UNC5D: variants seen among roughly 807,000 people sequenced by gnomAD.
The protein encoded by UNC5D is unc-5 netrin receptor D, also known as netrin receptor UNC5D.
Under a neutral mutation model 105.4 loss-of-function variants are expected in UNC5D, and 39 were observed. That is an observed-to-expected ratio of 0.37 (90% CI 0.29 to 0.48). The LOEUF (loss-of-function observed/expected upper bound fraction) is 0.48. Ranked by LOEUF, UNC5D falls within the 20% of genes least tolerant of loss-of-function variation. UNC5D has a pLI of 0.98. For missense variants in UNC5D, 991 were observed against 1,202.4 expected (o/e 0.82, Z 2.60); for synonymous variants, 452 against 450.4 (o/e 1.00, Z -0.04).
intron 1 of UNC5D, among the ~76,000 whole-genome samples, chr8:35,238,547 G>T (rs1299602909): frequency 6.6e-6 from 1 of 152,170 alleles, no homozygotes; most frequent in South Asian, 2.1e-4. Context: ...GACCTGCCAA[G>T]TGCTAACTGA....
chr8:35,427,116 G>C (rs1391847562), intron 1 of UNC5D, among the ~76,000 whole-genome samples: 1 of 152,124 alleles, frequency 6.6e-6, no homozygotes, highest in Non-Finnish European at 1.5e-5. Flanking sequence ...TTCAGCTCCA[G>C]CTCAATATAA....
intron 1 of UNC5D, among the ~76,000 whole-genome samples, chr8:35,363,410 T>A (rs1801952258): frequency 6.6e-6 from 1 of 152,150 alleles, no homozygotes; most frequent in East Asian, 1.9e-4. Flanking sequence ...ATTCAATTAT[T>A]TCCCACTGGG....
chr8:35,692,692 CGTAGTTAAA>C (rs1826490003), intron 7 of UNC5D, among the ~76,000 whole-genome samples: 1 of 152,126 alleles, frequency 6.6e-6, no homozygotes, highest in African/African-American at 2.4e-5. Context: ...TTAATGATAG[CGTAGTTAAA>C]CTCTCTAAAG....
chr8:35,690,579 A>G (rs375091867), intron 7 of UNC5D, among the ~76,000 whole-genome samples: 144 of 152,338 alleles, frequency 9.5e-4, no homozygotes, highest in African/African-American at 3.3e-3. Context: ...TGATCGTGCT[A>G]TTGCAGCCCA....
intron 4 of UNC5D, among the ~76,000 whole-genome samples, chr8:35,618,930 G>A (rs1024397665): frequency 6.6e-6 from 1 of 152,124 alleles, no homozygotes; most frequent in Non-Finnish European, 1.5e-5. Context: ...TTGGTGCTGG[G>A]TCAACTTTAT....
intron 3 of UNC5D, among the ~76,000 whole-genome samples, chr8:35,572,008 C>A (rs757286576): frequency 6.6e-6 from 1 of 152,060 alleles, no homozygotes; most frequent in Non-Finnish European, 1.5e-5. Context: ...TGCCATGGGC[C>A]GGGTACAGTG....
chr8:35,554,215 T>C (rs897813986), intron 2 of UNC5D, among the ~76,000 whole-genome samples: 2 of 152,192 alleles, frequency 1.3e-5, no homozygotes, highest in African/African-American at 4.8e-5. Context: ...TTTGGCCCTG[T>C]CATCTAACAG....
At chr8:35,528,699 C>A (rs1281647295) in intron 1 of UNC5D, among the ~76,000 whole-genome samples, 1 of 146,818 alleles carries the variant, frequency 6.8e-6, no homozygotes, top group Admixed American at 6.9e-5. Context: ...CACATCCTCT[C>A]CAGCACCTGT....
At chr8:35,252,600 C>T (rs139491667) in intron 1 of UNC5D, among the ~76,000 whole-genome samples, 203 of 152,232 alleles carry the variant, frequency 1.3e-3, no homozygotes, top group African/African-American at 4.7e-3. Context: ...AGTTGATTCA[C>T]TTCCCTGAAG....
intron 4 of UNC5D, among the ~76,000 whole-genome samples, chr8:35,647,410 G>T (rs1189170571): frequency 6.6e-6 from 1 of 151,930 alleles, no homozygotes; most frequent in East Asian, 1.9e-4. Context: ...GTGTGTGTGT[G>T]TGTGTGTGAT....
At chr8:35,658,487 A>G (rs1294167703) in intron 4 of UNC5D, among the ~76,000 whole-genome samples, 1 of 152,088 alleles carries the variant, frequency 6.6e-6, no homozygotes, top group Non-Finnish European at 1.5e-5. Context: ...GGTGCTCTAT[A>G]AATAGGCTGG....
intron 1 of UNC5D, among the ~76,000 whole-genome samples, chr8:35,324,233 C>CAAAAAAAAA (rs569409228): frequency 0.3 from 18,595 of 61,898 alleles, 3,262 homozygotes; most frequent in Non-Finnish European, 0.38. Context: ...ACCCTGTCTC[C>CAAAAAAAAA]AAAAAAAAAA....
chr8:35,550,645 G>T (rs1170485758), intron 2 of UNC5D, among the ~76,000 whole-genome samples: 1 of 152,144 alleles, frequency 6.6e-6, no homozygotes, highest in Non-Finnish European at 1.5e-5. Context: ...TAATGACAGA[G>T]ATAAGACAAA....
At chr8:35,445,094 A>G (rs1195069808) in intron 1 of UNC5D, among the ~76,000 whole-genome samples, 1 of 151,938 alleles carries the variant, frequency 6.6e-6, no homozygotes, top group Non-Finnish European at 1.5e-5. Flanking sequence ...ATCAGACCTT[A>G]TCCATTATTC....
intron 4 of UNC5D, among the ~76,000 whole-genome samples, chr8:35,664,480 A>G (rs1464316996): frequency 2.0e-5 from 3 of 152,024 alleles, no homozygotes; most frequent in East Asian, 1.9e-4. Flanking sequence ...GGTTCAAGCA[A>G]TTATCTTGCC....
At chr8:35,674,288 C>T (rs954080818) in intron 4 of UNC5D, among the ~76,000 whole-genome samples, 17 of 152,066 alleles carry the variant, frequency 1.1e-4, no homozygotes, top group Non-Finnish European at 1.8e-4. Context: ...ACAGTCGTTC[C>T]AACCAAATCT....
chr8:35,548,555 T>C (rs745994218), intron 1 of UNC5D, among the ~76,000 whole-genome samples: 8 of 152,186 alleles, frequency 5.3e-5, no homozygotes, highest in African/African-American at 9.7e-5. Context: ...GCTTCCTCCA[T>C]TTCCTAAGGT....
intron 4 of UNC5D, among the ~76,000 whole-genome samples, chr8:35,651,990 T>A (rs1472692543): frequency 6.6e-6 from 1 of 152,156 alleles, no homozygotes; most frequent in Non-Finnish European, 1.5e-5. Flanking sequence ...CTGGTGCCAA[T>A]GTATAGGTGA....
In UNC5D at chr8:35,759,472, AC is replaced by A; in HGVS notation, c.2313+4del. 2 of 1,610,590 alleles carry A rather than the reference AC, an allele frequency of 1.2e-6. No homozygotes were observed. The highest frequency in any genetic ancestry group is 1.7e-6 in the Non-Finnish European group (2 of 1,179,058). On this transcript the variant is annotated splice_donor_region_variant and intron_variant, in intron 14 of 16. Transcript: ENST00000404895. Reference sequence around the variant, plus strand: ...TTAAACCATTCACTGCCTGCCAGGTACTGGCCAAATGGGTTTCTAACAGAAA... The same window carrying A: ...TTAAACCATTCACTGCCTGCCAGGTATGGCCAAATGGGTTTCTAACAGAAA...
Sources: gnomAD v4.1 joint callset for allele counts (sites outside exome capture counted in the v4.1 genomes callset) on GRCh38, gnomAD v4.1.1 for gene constraint, MANE v1.5 for transcripts, NCBI Gene and HGNC (gene_info 2026-07-23, HGNC 2026-07-21) for gene names.